Variants in CFAP46 observed in about 807,000 individuals in gnomAD.
CFAP46 encodes cilia- and flagella-associated protein 46.
A neutral mutation model predicts 325.7 loss-of-function variants in CFAP46; 245 were observed. That is an observed-to-expected ratio of 0.75 (90% CI 0.68 to 0.84). CFAP46 has a LOEUF of 0.84. Among genes scored for constraint, CFAP46 ranks in the 40% least tolerant of loss-of-function variants. The probability of loss-of-function intolerance (pLI) is 0.00; values close to 1 mark genes in which losing one functional copy is unlikely to be tolerated. For missense variants in CFAP46, 3,346 were observed against 3,543.0 expected, an observed-to-expected ratio of 0.94 and a Z score of 1.41; for synonymous variants, 1,523 against 1,495.9, an observed-to-expected ratio of 1.02 and a Z score of -0.42.
intron 8 of CFAP46, among the ~76,000 whole-genome samples, chr10:132,931,074 CCA>C: frequency 1.0e-5 from 1 of 96,596 alleles, no homozygotes; most frequent in African/African-American, 4.2e-5. Flanking sequence ...TCCCTCCTCT[CCA>C]CACAGAGCCT....
In CFAP46 at chr10:132,847,311, T is replaced by G; in HGVS notation, c.5963A>C (p.Lys1988Thr). The G allele has an allele frequency of 3.7e-6, 6 of 1,613,514 alleles. No homozygotes were observed. Among genetic ancestry groups the G allele is most frequent in the Non-Finnish European group, 5.1e-6 (6 of 1,179,914 alleles). Reference protein sequence around the residue: ...YWEAGPSVGAKLSGLKSLELE... With the variant: ...YWEAGPSVGATLSGLKSLELE... ...CTCCAGAGACTTGAGGCCGCTCAGCTTGGCGCCCACCTGTGACACACATTG... is the reference window on the plus strand; with the variant it reads ...CTCCAGAGACTTGAGGCCGCTCAGCGTGGCGCCCACCTGTGACACACATTG... The change falls in exon 42 of 58, where the codon AAG (lysine) becomes ACG (threonine). Residue 1988 changes from lysine to threonine, a missense_variant. Transcript: ENST00000368586. The surrounding 1 kb of genome is among the most constrained non-coding windows in gnomAD (Gnocchi z 5.2).
Position 132,817,262 on chromosome 10 carries a change from T to C in CFAP46, c.7118-2348A>G, listed in dbSNP as rs950123700. On this transcript the variant is annotated intron_variant, in intron 50 of 57. Transcript: ENST00000368586. This position sits in a 1 kb window ranked among gnomAD's most constrained non-coding sequence, Gnocchi z 4.4. The stretch of plus-strand genomic sequence containing the variant: ...GCCTGGCTCTAAAGTCTGTTTCCTC[T>C]GAGAGTCAGACACCGGCCCTCCGGG... 6.6e-6 allele frequency among the ~76,000 whole-genome samples: 1 copy of C among 152,234 alleles called. No individual in the cohort carries two copies. Among genetic ancestry groups the C allele is most frequent in the African/African-American group, 2.4e-5 (1 of 41,450 alleles).
chr10:132,812,733 C>A (rs983520791), intron 55 of CFAP46, 52 bp downstream of exon 55: 4 of 1,361,492 alleles, frequency 2.9e-6, no homozygotes, highest in African/African-American at 1.4e-5. Context: ...TGCCCTCAGG[C>A]GGGTTTGTCC....
intron 50 of CFAP46, 81 bp from the exon 51 acceptor site, chr10:132,814,995 G>T: frequency 8.2e-7 from 1 of 1,223,428 alleles, no homozygotes; most frequent in Non-Finnish European, 1.2e-6. Context: ...TTAATTTCAT[G>T]TTATGCAAAT....
At chr10:132,909,377 T>C (rs1190410444) in intron 20 of CFAP46, 133 bp from the exon 21 acceptor site, 2 of 663,956 alleles carry the variant, frequency 3.0e-6, no homozygotes, top group Admixed American at 2.4e-5. Context: ...GTTTATACCT[T>C]AGGCTGTTTT....
At position 132,898,944 on chromosome 10, in the gene CFAP46, C is replaced by G; in HGVS notation, c.3219+15G>C. 1 of 1,550,512 alleles carries G rather than the reference C, an allele frequency of 6.4e-7. No individual in the cohort carries two copies. Among genetic ancestry groups the G allele is most frequent in the Non-Finnish European group, 8.7e-7 (1 of 1,146,948 alleles). On this transcript the variant is annotated intron_variant, in intron 24 of 57. Transcript: ENST00000368586. ...CCTCAGTGGGAGTCAGGAGCCCCCT[C>G]CAGGGCTGGTGCACCTGCTTTCTGG... is the stretch of plus-strand genomic sequence containing the variant.
intron 50 of CFAP46, among the ~76,000 whole-genome samples, chr10:132,818,881 A>T (rs759532242): frequency 6.6e-6 from 1 of 152,064 alleles, no homozygotes; most frequent in Non-Finnish European, 1.5e-5. Context: ...AAAAAAAAGA[A>T]AGAACAGGCA....
intron 29 of CFAP46, 52 bp downstream of exon 29, chr10:132,879,374 G>A (rs532035377): frequency 9.1e-6 from 13 of 1,432,638 alleles, no homozygotes; most frequent in African/African-American, 2.9e-5. Context: ...CCCAGCCCGC[G>A]GCCCGTCCCG....
Position 132,847,369 on chromosome 10 carries a change from G to A in CFAP46, c.5953-48C>T. On this transcript the variant is annotated intron_variant, in intron 41 of 57. Coordinates refer to ENST00000368586, the MANE Select transcript of CFAP46 (RefSeq NM_001200049.3). The surrounding 1 kb of genome is among the most constrained non-coding windows in gnomAD (Gnocchi z 5.2). ...GCAGACACTTCTGGGTTCCTGCTTG[G>A]TCGGCGTGGGGAGGGCCCACCCAGG... The A allele has an allele frequency of 6.2e-7, 1 of 1,604,460 alleles. No homozygotes were observed. Among genetic ancestry groups the A allele is most frequent in the Non-Finnish European group, 8.5e-7 (1 of 1,173,868 alleles).
chr10:132,879,439 C>T lies in CFAP46; in HGVS notation c.3992G>A (p.Arg1331Lys), dbSNP rs1322031446. 1.3e-6 allele frequency: 2 copies of T among 1,525,586 alleles called. No homozygotes were observed. The highest frequency in any genetic ancestry group is 2.0e-5 in the Admixed American group (1 of 49,008). The allele number at this position is 1,525,586 out of a possible 1,614,324, so 94.5% of individuals were successfully genotyped here. The stretch of plus-strand genomic sequence containing the variant: ...GCTGGGCCTCACCTGCCAGATGTGC[C>T]TGAAGAAGGCGTAGGCTGCAAGGCA... ...DCCLAAYAFFRHIWQVSLMTA... is the reference protein window; with the variant it reads ...DCCLAAYAFFKHIWQVSLMTA... The change falls in exon 29 of 58, where the codon AGG becomes AAG. Residue 1331 changes from arginine to lysine, a missense_variant. Coordinates refer to ENST00000368586, the MANE Select transcript of CFAP46 (RefSeq NM_001200049.3).
rs1849735290 is a variant in CFAP46, at chr10:132,922,227, G to A, written c.1486-3C>T. 13 of 1,548,362 alleles carry A rather than the reference G, an allele frequency of 8.4e-6. No homozygotes were observed. Among genetic ancestry groups the A allele is most frequent in the Non-Finnish European group, 1.0e-5 (12 of 1,145,554 alleles). ...TCCTTTGGTGTAGCTTTTTTTGCCT[G>A]TGAAAAGCAGAGACTGATGAGCAAG... is the stretch of plus-strand genomic sequence containing the variant. On this transcript the variant is annotated splice_region_variant and splice_polypyrimidine_tract_variant and intron_variant, in intron 12 of 57. Coordinates refer to ENST00000368586, the MANE Select transcript of CFAP46 (RefSeq NM_001200049.3).
chr10:132,929,648 C>T, intron 9 of CFAP46, 57 bp downstream of exon 9: 1 of 1,513,472 alleles, frequency 6.6e-7, no homozygotes, highest in Non-Finnish European at 9.2e-7. Context: ...GCCTTTTGTC[C>T]AACTGCACGG....
chr10:132,859,007 G>C lies in CFAP46; in HGVS notation c.5375+64C>G, dbSNP rs1591058476. 3 of 1,476,610 alleles carry C rather than the reference G, an allele frequency of 2.0e-6. No individual in the cohort carries two copies. The East Asian group carries it at 7.4e-5, about 37-fold the overall frequency. 91.5% of individuals were successfully genotyped at this position (1,476,610 alleles called of 1,614,324 possible). On this transcript the variant is annotated intron_variant, in intron 38 of 57. Coordinates refer to ENST00000368586, the MANE Select transcript of CFAP46 (RefSeq NM_001200049.3). The stretch of plus-strand genomic sequence containing the variant: ...AGCCAGGCCCAGAAGGCAGGATGGC[G>C]CTGGGCGTGTTGTGTGTAAGAGAAG...
Position 132,885,903 on chromosome 10 carries a change from G to C in CFAP46, c.3361C>G (p.His1121Asp). 1 of 1,550,178 alleles carries C rather than the reference G, an allele frequency of 6.5e-7. No homozygotes were observed. ...CCCTCCCAGTCGTCCTGGTCGGCAT[G>C]GCTGTGGAAGAGCAGGCCGTAGAGC... The part of the protein sequence containing the change: ...AALYGLLFHS[H>D]ADQDDWEGGL... The change falls in exon 26 of 58, where the codon CAT (histidine) becomes GAT (aspartate). Residue 1121 changes from histidine (H) to aspartate (D), a missense_variant. Coordinates refer to ENST00000368586, the MANE Select transcript of CFAP46 (RefSeq NM_001200049.3).
chr10:132,912,386 G>A lies in CFAP46; in HGVS notation c.2499+269C>T, dbSNP rs1479770139. Reference sequence around the variant, plus strand: ...CTCCTCTCTTCTCTCTGCTTCTCTCGCCTCTCTCTCCTCTCCTCTCTCTGC... The same window carrying A: ...CTCCTCTCTTCTCTCTGCTTCTCTCACCTCTCTCTCCTCTCCTCTCTCTGC... On this transcript the variant is annotated intron_variant, in intron 19 of 57. Transcript: ENST00000368586. Among the ~76,000 whole-genome samples, 4 of 92,148 alleles carry A rather than the reference G, an allele frequency of 4.3e-5. No homozygotes were observed. Among genetic ancestry groups the A allele is most frequent in the East Asian group, 2.9e-4 (1 of 3,432 alleles). 60.5% of individuals were successfully genotyped at this position (92,148 alleles called of 152,430 possible). A position where few individuals can be genotyped will look rare whatever the true frequency, so the allele number is the denominator to read the frequency against.
chr10:132,879,702 C>A, intron 28 of CFAP46, 71 bp from the exon 29 acceptor site: 2 of 1,405,642 alleles, frequency 1.4e-6, no homozygotes, highest in Non-Finnish European at 1.9e-6. Context: ...CCACTCCCTT[C>A]CCTGCCCGAG....
chr10:132,911,905 T>C (rs1273738935), intron 19 of CFAP46, among the ~76,000 whole-genome samples: 1 of 152,076 alleles, frequency 6.6e-6, no homozygotes, highest in Non-Finnish European at 1.5e-5. Context: ...CCCACGGGTC[T>C]TGTTTTCCTC....
At chr10:132,861,019 T>C (rs779015675) in intron 35 of CFAP46, 37 bp from the exon 36 acceptor site, 3 of 1,539,944 alleles carry the variant, frequency 1.9e-6, no homozygotes, top group African/African-American at 1.4e-5. Context: ...TGGGTTCCTC[T>C]ACAGATGTGT....
chr10:132,927,176 C>T (rs2135658093), intron 9 of CFAP46, among the ~76,000 whole-genome samples: 1 of 152,350 alleles, frequency 6.6e-6, no homozygotes, highest in Admixed American at 6.5e-5. Context: ...CGAGGGGTGA[C>T]ACCCCTAAAC....
Sources: allele counts gnomAD v4.1 joint callset (sites outside exome capture counted in the v4.1 genomes callset), GRCh38; gene constraint gnomAD v4.1.1; non-coding constraint Gnocchi (gnomAD v3.1); transcripts MANE v1.5; gene names NCBI Gene and HGNC (gene_info 2026-07-23, HGNC 2026-07-21).